Variants in TSPAN9 observed in about 807,000 individuals in gnomAD.
TSPAN9 encodes the protein tetraspanin-9.
TSPAN9 carries 16 observed loss-of-function variants against 31.0 expected under a neutral mutation model. The observed-to-expected ratio is 0.52, with a 90% CI of 0.35 to 0.78. The LOEUF (loss-of-function observed/expected upper bound fraction) is 0.78. TSPAN9 is among the 30% of genes least tolerant of loss of function. The pLI is 0.01. For missense variants in TSPAN9, 272 were observed against 312.5 expected (o/e 0.87, Z 0.98); for synonymous variants, 145 against 121.6 (o/e 1.19, Z -1.27).
chr12:3,263,124 C>T (rs1862481611), intron 3 of TSPAN9, among the ~76,000 whole-genome samples: 1 of 152,238 alleles, frequency 6.6e-6, no homozygotes, highest in South Asian at 2.1e-4. Flanking sequence ...GAGGCCTCTG[C>T]CTGCTCACCT....
intron 2 of TSPAN9, among the ~76,000 whole-genome samples, chr12:3,099,438 C>T (rs1202743780): frequency 6.6e-6 from 1 of 152,118 alleles, no homozygotes; most frequent in Non-Finnish European, 1.5e-5. Flanking sequence ...AGCTTTGGAG[C>T]GTACTTACAA....
chr12:3,081,948 G>A lies in TSPAN9; in HGVS notation c.-84-1705G>A, dbSNP rs542770198. Among the ~76,000 whole-genome samples, 8 of 151,596 alleles carry A rather than the reference G, an allele frequency of 5.3e-5. No homozygotes were observed. The East Asian group carries it at 9.7e-4, about 18-fold the overall frequency. ...GGAGTTCGAGGCTTCAGTGAGCCAT[G>A]ATTGTGTCACTGCACTCCAGGCTGA... is the stretch of plus-strand genomic sequence containing the variant. On this transcript the variant is annotated intron_variant, in intron 1 of 8. Transcript: ENST00000011898.
At chr12:3,142,335 C>T in intron 2 of TSPAN9, among the ~76,000 whole-genome samples, 1 of 152,202 alleles carries the variant, frequency 6.6e-6, no homozygotes, top group East Asian at 1.9e-4. Context: ...GGGGACCCCT[C>T]CTCCTTTCCT....
In TSPAN9 at chr12:3,278,529, A is replaced by C. The variant is rs760472501; in HGVS notation, c.172A>C (p.Ile58Leu). The C allele has an allele frequency of 8.7e-6, 14 of 1,614,052 alleles. No individual in the cohort carries two copies. Among genetic ancestry groups the C allele is most frequent in the Non-Finnish European group, 1.2e-5 (14 of 1,180,034 alleles). The change falls in exon 4 of 9, where the codon ATT becomes CTT. Residue 58 changes from isoleucine to leucine, a missense_variant. Transcript: ENST00000011898. ...FPSLSAANLVIAIGTIVMVTG... is the reference protein window; with the variant it reads ...FPSLSAANLVLAIGTIVMVTG... ...TTCGTTGTCTGCAGCCAACCTGGTC[A>C]TTGCCATAGGCACCATTGTCATGGT...
At chr12:3,123,158 C>T (rs2098325881) in intron 2 of TSPAN9, among the ~76,000 whole-genome samples, 1 of 152,172 alleles carries the variant, frequency 6.6e-6, no homozygotes, top group African/African-American at 2.4e-5. Context: ...ACTCCAGCCC[C>T]GTCGACGAAC....
chr12:3,221,292 TG>T (rs1215930891), intron 3 of TSPAN9, among the ~76,000 whole-genome samples: 4 of 152,184 alleles, frequency 2.6e-5, no homozygotes, highest in Non-Finnish European at 4.4e-5. Context: ...ATGGCTAGAC[TG>T]TGCAACATAT....
intron 2 of TSPAN9, among the ~76,000 whole-genome samples, chr12:3,100,975 C>T (rs573799889): frequency 5.3e-5 from 8 of 152,282 alleles, no homozygotes; most frequent in African/African-American, 1.9e-4. Flanking sequence ...AAGAACAGTA[C>T]CATCCCGGGT....
At chr12:3,212,516 A>C (rs1565615973) in intron 3 of TSPAN9, among the ~76,000 whole-genome samples, 3 of 151,680 alleles carry the variant, frequency 2.0e-5, no homozygotes, top group Admixed American at 6.6e-5. Context: ...GCCTTAAGCA[A>C]TCCTGCCTTG....
chr12:3,112,585 C>A (rs988988644), intron 2 of TSPAN9, among the ~76,000 whole-genome samples: 1 of 145,992 alleles, frequency 6.8e-6, no homozygotes, highest in African/African-American at 2.6e-5. Flanking sequence ...TAAATTATTT[C>A]TCTTTTTATT....
intron 2 of TSPAN9, among the ~76,000 whole-genome samples, chr12:3,189,722 C>T (rs929975973): frequency 6.6e-6 from 1 of 152,152 alleles, no homozygotes; most frequent in African/African-American, 2.4e-5. Context: ...GGCTGGATGC[C>T]TTTAGGAGGC....
intron 3 of TSPAN9, among the ~76,000 whole-genome samples, chr12:3,260,638 C>T (rs1336686455): frequency 2.0e-5 from 3 of 152,200 alleles, no homozygotes; most frequent in South Asian, 2.1e-4. Flanking sequence ...TCAAAGAGTT[C>T]GCTGGGGCAA....
chr12:3,211,435 T>C (rs11062572), intron 3 of TSPAN9, among the ~76,000 whole-genome samples: 80,985 of 151,548 alleles, frequency 0.53, 22,385 homozygotes, highest in Middle Eastern at 0.68. Flanking sequence ...CAAGAGTATT[T>C]TTGCTGTTCT....
intron 2 of TSPAN9, among the ~76,000 whole-genome samples, chr12:3,105,754 A>G (rs1467841639): frequency 1.1e-5 from 1 of 91,508 alleles, no homozygotes; most frequent in African/African-American, 3.0e-5. Flanking sequence ...ACACTCACAC[A>G]CACGCACACA....
At chr12:3,142,153 C>T (rs530220519) in intron 2 of TSPAN9, among the ~76,000 whole-genome samples, 5 of 152,270 alleles carry the variant, frequency 3.3e-5, no homozygotes, top group East Asian at 3.9e-4. Context: ...AGATTGTCAC[C>T]GCTCTGCCTG....
chr12:3,231,669 TC>T (rs1250056790), intron 3 of TSPAN9, among the ~76,000 whole-genome samples: 1 of 152,228 alleles, frequency 6.6e-6, no homozygotes, highest in African/African-American at 2.4e-5. Context: ...CAACAGATGT[TC>T]GCTTTGGAGC....
At chr12:3,237,427 C>T (rs1211645333) in intron 3 of TSPAN9, among the ~76,000 whole-genome samples, 1 of 152,202 alleles carries the variant, frequency 6.6e-6, no homozygotes, top group Non-Finnish European at 1.5e-5. Flanking sequence ...TATACCAGGG[C>T]TACCTCTTGG....
intron 2 of TSPAN9, among the ~76,000 whole-genome samples, chr12:3,198,194 AC>A (rs2098368375): frequency 1.3e-5 from 1 of 79,218 alleles, no homozygotes; most frequent in African/African-American, 4.9e-5. Flanking sequence ...AGCACAGGCC[AC>A]CACCAGCACA....
At chr12:3,265,497 A>C (rs1181795019) in intron 3 of TSPAN9, among the ~76,000 whole-genome samples, 1 of 152,174 alleles carries the variant, frequency 6.6e-6, no homozygotes, top group Non-Finnish European at 1.5e-5. Context: ...CTGAGCTGCA[A>C]ATTTGTTTAT....
intron 6 of TSPAN9, 51 bp from the exon 7 acceptor site, chr12:3,281,147 A>C: frequency 1.3e-6 from 2 of 1,547,408 alleles, no homozygotes; most frequent in Non-Finnish European, 8.7e-7. Flanking sequence ...CCTGGGGAGG[A>C]AGGGGCGGGC....
Sources: allele counts gnomAD v4.1 joint callset (sites outside exome capture counted in the v4.1 genomes callset), GRCh38; gene constraint gnomAD v4.1.1; transcripts MANE v1.5; gene names NCBI Gene and HGNC (gene_info 2026-07-23, HGNC 2026-07-21).